The following GRM5 variants were observed in gnomAD, a reference collection of about 807,000 sequenced individuals.
GRM5 encodes glutamate metabotropic receptor 5.
A neutral mutation model predicts 83.1 loss-of-function variants in GRM5; 19 were observed. That is an observed-to-expected ratio of 0.23 (90% confidence interval 0.16 to 0.34). The LOEUF is 0.34. Among genes scored for constraint, GRM5 ranks in the 10% least tolerant of loss-of-function variants. The pLI is 1.00. For synonymous variants in GRM5, 675 were observed against 633.6 expected, an observed-to-expected ratio of 1.07 and a Z score of -0.98; for missense variants, 1,160 against 1,588.3, an observed-to-expected ratio of 0.73 and a Z score of 4.58.
At chr11:89,021,665 T>C (rs775598306) in intron 2 of GRM5, among the ~76,000 whole-genome samples, 3 of 152,140 alleles carry the variant, frequency 2.0e-5, no homozygotes, top group African/African-American at 4.8e-5. Context: ...CATGTGAAGA[T>C]GAACGGTAGA....
chr11:88,723,108 A>G (rs1273735518), intron 3 of GRM5, among the ~76,000 whole-genome samples: 2 of 151,558 alleles, frequency 1.3e-5, no homozygotes, highest in African/African-American at 4.9e-5. Context: ...AGAATGTCAT[A>G]TATTAAGAAT....
chr11:88,626,120 T>G (rs10831178), intron 4 of GRM5, among the ~76,000 whole-genome samples: 105,040 of 151,600 alleles, frequency 0.69, 41,633 homozygotes, highest in Non-Finnish European at 0.9. Flanking sequence ...GCCTTTACAA[T>G]TTACACCAAA....
At chr11:88,971,577 C>A (rs1329320832) in intron 2 of GRM5, among the ~76,000 whole-genome samples, 3 of 152,108 alleles carry the variant, frequency 2.0e-5, no homozygotes, top group African/African-American at 7.2e-5. Context: ...ATAATGGCAT[C>A]CAGTTCCACC....
At chr11:88,617,374 T>C (rs1690359884) in intron 4 of GRM5, among the ~76,000 whole-genome samples, 1 of 152,122 alleles carries the variant, frequency 6.6e-6, no homozygotes, top group African/African-American at 2.4e-5. Flanking sequence ...ATAACAGAAC[T>C]CAAAACATCA....
At chr11:88,515,714 C>CT (rs954689189) in intron 9 of GRM5, among the ~76,000 whole-genome samples, 1 of 152,132 alleles carries the variant, frequency 6.6e-6, no homozygotes, top group African/African-American at 2.4e-5. Flanking sequence ...GATTTTTGTA[C>CT]TTCTTTTTCA....
intron 4 of GRM5, among the ~76,000 whole-genome samples, chr11:88,618,555 C>T (rs1288476753): frequency 1.3e-5 from 2 of 151,320 alleles, no homozygotes; most frequent in Non-Finnish European, 2.9e-5. Flanking sequence ...ATGTCAGACA[C>T]TGTGCTGGAT....
intron 3 of GRM5, among the ~76,000 whole-genome samples, chr11:88,841,706 C>T (rs746671949): frequency 1.3e-5 from 2 of 152,188 alleles, no homozygotes; most frequent in African/African-American, 4.8e-5. Context: ...AGCAACTCAA[C>T]TTTTTCTTGT....
At chr11:88,545,900 G>A (rs748394730) in intron 8 of GRM5, among the ~76,000 whole-genome samples, 1 of 151,936 alleles carries the variant, frequency 6.6e-6, no homozygotes, top group African/African-American at 2.4e-5. Flanking sequence ...TATATATTTT[G>A]TATATTGTCT....
intron 2 of GRM5, among the ~76,000 whole-genome samples, chr11:89,004,535 A>G (rs1468710589): frequency 2.6e-5 from 4 of 152,170 alleles, no homozygotes; most frequent in Admixed American, 6.5e-5. Context: ...CACATTATAT[A>G]AGGAAAGCTT....
At chr11:88,991,614 A>C (rs995305135) in intron 2 of GRM5, among the ~76,000 whole-genome samples, 4 of 149,920 alleles carry the variant, frequency 2.7e-5, no homozygotes, top group African/African-American at 9.8e-5. Context: ...TTCAAACTAT[A>C]CTACAAGGCT....
At chr11:88,916,704 C>G (rs1945598562) in intron 2 of GRM5, among the ~76,000 whole-genome samples, 1 of 151,482 alleles carries the variant, frequency 6.6e-6, no homozygotes, top group African/African-American at 2.4e-5. Flanking sequence ...GAGTGTCATC[C>G]CTCCCCCAAC....
At chr11:88,611,164 G>A (rs1251490073) in intron 4 of GRM5, among the ~76,000 whole-genome samples, 1 of 152,152 alleles carries the variant, frequency 6.6e-6, no homozygotes, top group Admixed American at 6.5e-5. Context: ...AGGGATATGA[G>A]CCTGTTGTTT....
chr11:88,991,398 G>A (rs1939964535), intron 2 of GRM5, among the ~76,000 whole-genome samples: 1 of 151,926 alleles, frequency 6.6e-6, no homozygotes, highest in Admixed American at 6.5e-5. Context: ...CCATGCTCAT[G>A]GGTAGGAAGA....
chr11:88,925,129 G>C (rs889635846), intron 2 of GRM5, among the ~76,000 whole-genome samples: 1 of 151,870 alleles, frequency 6.6e-6, no homozygotes, highest in Non-Finnish European at 1.5e-5. Flanking sequence ...AGAAATGATC[G>C]ATTGGCCTCA....
intron 2 of GRM5, among the ~76,000 whole-genome samples, chr11:88,871,716 T>C (rs1944771282): frequency 6.6e-6 from 1 of 151,586 alleles, no homozygotes; most frequent in Non-Finnish European, 1.5e-5. Context: ...TTTTTATTCA[T>C]GTAATATTTT....
chr11:89,024,001 A>G (rs1207151043), intron 2 of GRM5, among the ~76,000 whole-genome samples: 2 of 152,130 alleles, frequency 1.3e-5, no homozygotes, highest in Admixed American at 1.3e-4. Context: ...GGATCACCTG[A>G]AGTCAGGAAT....
chr11:88,564,866 TA>T (rs1942839364), intron 8 of GRM5, among the ~76,000 whole-genome samples: 1 of 151,038 alleles, frequency 6.6e-6, no homozygotes, highest in African/African-American at 2.4e-5. Context: ...AGATGCCCTG[TA>T]AAACTCAGAT....
intron 8 of GRM5, among the ~76,000 whole-genome samples, chr11:88,527,442 T>C (rs1468045221): frequency 6.6e-6 from 1 of 152,082 alleles, no homozygotes. Context: ...TCTTATTCTA[T>C]CAAACTCTAA....
At chr11:88,858,952 T>C (rs2135548966) in intron 2 of GRM5, among the ~76,000 whole-genome samples, 1 of 152,136 alleles carries the variant, frequency 6.6e-6, no homozygotes, top group Non-Finnish European at 1.5e-5. Flanking sequence ...CTCTGAGTTA[T>C]ACCCTAAAGA....
Sources: gnomAD v4.1 joint callset for allele counts (sites outside exome capture counted in the v4.1 genomes callset) on GRCh38, gnomAD v4.1.1 for gene constraint, MANE v1.5 for transcripts, NCBI Gene and HGNC (gene_info 2026-07-23, HGNC 2026-07-21) for gene names.